Variants in SCN11A observed in about 807,000 individuals in gnomAD.
The protein encoded by SCN11A is sodium voltage-gated channel alpha subunit 11, also known as sodium channel protein type 11 subunit alpha.
A neutral mutation model predicts 162.2 loss-of-function variants in SCN11A; 122 were observed. The ratio of observed to expected loss-of-function variants is 0.75; its 90% CI spans 0.65 to 0.87. The LOEUF is 0.87. SCN11A is among the 40% of genes least tolerant of loss of function. The pLI is 0.00. For missense variants in SCN11A, 2,015 were observed against 2,181.6 expected, an observed-to-expected ratio of 0.92 and a Z score of 1.52; for synonymous variants, 758 against 751.5, an observed-to-expected ratio of 1.01 and a Z score of -0.14.
intron 2 of SCN11A, among the ~76,000 whole-genome samples, chr3:39,015,435 G>A (rs1575359613): frequency 6.6e-6 from 1 of 152,186 alleles, no homozygotes; most frequent in African/African-American, 2.4e-5. Flanking sequence ...AGCACAGAAC[G>A]ACTGAAAAAA....
chr3:38,942,652 A>C (rs1470558765), intron 7 of SCN11A, among the ~76,000 whole-genome samples: 1 of 152,200 alleles, frequency 6.6e-6, no homozygotes, highest in Non-Finnish European at 1.5e-5. Context: ...TTTGAACCAA[A>C]AGGTAATAAA....
chr3:39,019,543 G>A (rs2031390987), intron 2 of SCN11A, among the ~76,000 whole-genome samples: 1 of 152,150 alleles, frequency 6.6e-6, no homozygotes, highest in Admixed American at 6.5e-5. Flanking sequence ...TTTGTGCACT[G>A]GGCAGGAAGA....
chr3:39,018,063 G>A (rs1184644760), intron 2 of SCN11A, among the ~76,000 whole-genome samples: 2 of 152,176 alleles, frequency 1.3e-5, no homozygotes, highest in African/African-American at 4.8e-5. Flanking sequence ...GCATTCATTT[G>A]GGGGCTAATT....
rs749781023 is a variant in SCN11A at position 38,897,005 on chromosome 3, T to C, written c.2243A>G (p.His748Arg). ...GTGCCAGAAATCCCCCATGTGCCAG[T>C]GCCGTAAACATGAGACTGTCGGGCC... ...PTGPTVSCLR[H>R]WHMGDFWHSF... is the part of the protein sequence containing the mutation. The change falls in exon 18 of 30, where the codon CAC becomes CGC. Residue 748 changes from histidine to arginine, a missense_variant. Coordinates refer to ENST00000302328, the MANE Select transcript of SCN11A (RefSeq NM_001349253.2). The C allele has an allele frequency of 1.9e-6, 3 of 1,614,156 alleles. No homozygotes were observed. Among genetic ancestry groups the C allele is most frequent in the Non-Finnish European group, 1.7e-6 (2 of 1,180,012 alleles).
chr3:38,884,507 T>C (rs548508828), intron 21 of SCN11A, among the ~76,000 whole-genome samples: 3 of 152,364 alleles, frequency 2.0e-5, no homozygotes, highest in African/African-American at 7.2e-5. Context: ...CACTTATTTA[T>C]TTATCAACAT....
chr3:38,855,891 C>G (rs940710324), intron 28 of SCN11A, among the ~76,000 whole-genome samples: 1 of 152,170 alleles, frequency 6.6e-6, no homozygotes, highest in African/African-American at 2.4e-5. Context: ...CATCACAGGA[C>G]TCTTTGCAAA....
At chr3:39,026,442 A>G (rs2031592572) in intron 2 of SCN11A, among the ~76,000 whole-genome samples, 1 of 152,200 alleles carries the variant, frequency 6.6e-6, no homozygotes, top group Admixed American at 6.5e-5. Flanking sequence ...TTTTCCCATC[A>G]TGATGAAAAC....
chr3:38,933,821 C>T (rs2066283416), intron 7 of SCN11A, among the ~76,000 whole-genome samples: 1 of 152,200 alleles, frequency 6.6e-6, no homozygotes, highest in Non-Finnish European at 1.5e-5. Context: ...TCCAGGAGAA[C>T]TTCCCCAATC....
In SCN11A at chr3:38,882,101, T is replaced by G. The variant is rs565401924; in HGVS notation, c.3219+1132A>C. Among the ~76,000 whole-genome samples, 3 of 152,342 alleles carry G rather than the reference T, an allele frequency of 2.0e-5. No homozygotes were observed. The South Asian group carries it at 6.2e-4, about 32-fold the overall frequency. On this transcript the variant is annotated intron_variant, in intron 22 of 29. Coordinates refer to ENST00000302328, the MANE Select transcript of SCN11A (RefSeq NM_001349253.2). Reference sequence around the variant, plus strand: ...ACCCAAGATTAACAATAAAAATTTATTAAGGGAATTCTCTGGGATGGTTTT... The same window carrying G: ...ACCCAAGATTAACAATAAAAATTTAGTAAGGGAATTCTCTGGGATGGTTTT...
At chr3:38,888,211 A>G (rs1047838783) in intron 19 of SCN11A, among the ~76,000 whole-genome samples, 4 of 152,234 alleles carry the variant, frequency 2.6e-5, no homozygotes, top group Admixed American at 2.6e-4. Flanking sequence ...GGGAGACAGG[A>G]AGAAGTACAA....
At position 38,850,715 on chromosome 3, in the gene SCN11A, T is replaced by C. The variant is rs1236990869; in HGVS notation, c.4093A>G (p.Ser1365Gly). Residue 1365 changes from serine (S) to glycine (G), a missense_variant, in exon 29 of 30, where the codon AGC (serine) becomes GGC (glycine). Ser to Gly is a moderately conservative substitution (Grantham distance 56, BLOSUM62 0). Transcript: ENST00000302328. The stretch of plus-strand genomic sequence containing the variant: ...ATGATGATGATGTCAAAGATCTGGC[T>C]TGTGACTATGTCGAACACGAGACCT... ...CQGLVFDIVT[S>G]QIFDIIIISL... is the part of the protein sequence containing the mutation. 1 of 1,613,162 alleles carries C rather than the reference T, an allele frequency of 6.2e-7. No individual in the cohort carries two copies. The highest frequency in any genetic ancestry group is 1.1e-5 in the South Asian group (1 of 90,882).
At chr3:38,944,798 TA>T (rs1179130341) in intron 7 of SCN11A, among the ~76,000 whole-genome samples, 1 of 151,700 alleles carries the variant, frequency 6.6e-6, no homozygotes, top group Non-Finnish European at 1.5e-5. Context: ...CTGTCTCTAC[TA>T]AAAATACAAA....
intron 1 of SCN11A, among the ~76,000 whole-genome samples, chr3:39,048,883 G>A (rs2032251866): frequency 1.3e-5 from 2 of 152,226 alleles, no homozygotes; most frequent in South Asian, 2.1e-4. Flanking sequence ...AGGTGTTCTA[G>A]CCACAGCTTT....
At chr3:38,992,927 C>T (rs556574972) in intron 2 of SCN11A, among the ~76,000 whole-genome samples, 149 of 152,186 alleles carry the variant, frequency 9.8e-4, no homozygotes, top group Non-Finnish European at 1.6e-3. Context: ...GAGCTTCCTA[C>T]GCCACTCTCC....
At chr3:38,855,846 T>C (rs1295754206) in intron 28 of SCN11A, among the ~76,000 whole-genome samples, 2 of 152,174 alleles carry the variant, frequency 1.3e-5, no homozygotes, top group African/African-American at 4.8e-5. Flanking sequence ...GAGCAGGTGC[T>C]GGTATCCACA....
At chr3:38,939,706 T>C (rs944539582) in intron 7 of SCN11A, among the ~76,000 whole-genome samples, 2 of 151,832 alleles carry the variant, frequency 1.3e-5, no homozygotes, top group Non-Finnish European at 2.9e-5. Flanking sequence ...GAGTTAGAGA[T>C]CAGCCTGACC....
At chr3:38,870,542 A>T (rs1177305102) in intron 26 of SCN11A, 149 bp downstream of exon 26, 3 of 609,228 alleles carry the variant, frequency 4.9e-6, no homozygotes, top group African/African-American at 1.9e-5. Flanking sequence ...TGTATTAGGC[A>T]GTGGTATCTC....
intron 5 of SCN11A, among the ~76,000 whole-genome samples, chr3:38,948,109 C>A (rs1419134974): frequency 6.6e-6 from 1 of 152,152 alleles, no homozygotes; most frequent in African/African-American, 2.4e-5. Flanking sequence ...GGGTATTTTT[C>A]TTTGCCCCCA....
intron 2 of SCN11A, among the ~76,000 whole-genome samples, chr3:39,018,687 G>A (rs1255801016): frequency 2.0e-5 from 3 of 151,988 alleles, no homozygotes; most frequent in Non-Finnish European, 2.9e-5. Context: ...GTGTGGTGGC[G>A]GGCACCTGTA....
Sources: allele counts gnomAD v4.1 joint callset (sites outside exome capture counted in the v4.1 genomes callset), GRCh38; gene constraint gnomAD v4.1.1; transcripts MANE v1.5; gene names NCBI Gene and HGNC (gene_info 2026-07-23, HGNC 2026-07-21).